The following CHURC1 variants were observed in gnomAD, a reference collection of about 807,000 sequenced individuals.
CHURC1 encodes protein Churchill.
A neutral mutation model predicts 15.4 loss-of-function variants in CHURC1; 12 were observed. The ratio of observed to expected loss-of-function variants is 0.78; its 90% CI spans 0.50 to 1.27. The LOEUF is 1.27. Among genes scored for constraint, CHURC1 ranks in the 50% most tolerant of loss-of-function variants. The pLI, the probability that CHURC1 is intolerant of heterozygous loss-of-function variation, is 0.00. For missense variants in CHURC1, 132 were observed against 137.8 expected (o/e 0.96, Z 0.21); for synonymous variants, 42 against 47.5 (o/e 0.88, Z 0.48).
chr14:64,917,278 A>G, intron 1 of CHURC1, among the ~76,000 whole-genome samples: 1 of 152,098 alleles, frequency 6.6e-6, no homozygotes. Context: ...AAAAATACAA[A>G]TAGTCTGGGC....
intron 1 of CHURC1, among the ~76,000 whole-genome samples, chr14:64,918,890 G>A (rs1192000832): frequency 6.6e-6 from 1 of 152,136 alleles, no homozygotes; most frequent in Admixed American, 6.5e-5. Context: ...TGTAGAATGA[G>A]TAAGTAATAG....
chr14:64,919,923 G>A (rs1323091145), intron 1 of CHURC1, among the ~76,000 whole-genome samples: 1 of 151,190 alleles, frequency 6.6e-6, no homozygotes, highest in African/African-American at 2.4e-5. Context: ...AAAAAAAAGA[G>A]CAAACTAAAC....
At position 64,927,721 on chromosome 14, in the gene CHURC1, C is replaced by CCA. The variant is rs796538500; in HGVS notation, c.246+1642_246+1643insAC. Among the ~76,000 whole-genome samples, 113 of 88,786 alleles carry CCA rather than the reference C, an allele frequency of 1.3e-3. 5 individuals carry two copies. The highest frequency in any genetic ancestry group is 9.2e-3 in the South Asian group (18 of 1,962). The allele number at this position is 88,786 out of a possible 152,430, so 58.2% of individuals were successfully genotyped here. A position where few individuals can be genotyped will look rare whatever the true frequency, so the allele number is the denominator to read the frequency against. On this transcript the variant is annotated intron_variant, in intron 3 of 3. Transcript: ENST00000549115. ...CCCAGTCTACTTCTCCCCCCACCCC[C>CCA]CCCCCCGCCGTCAATTCATACTCCA...
At chr14:64,916,555 G>A (rs1883893311) in intron 1 of CHURC1, among the ~76,000 whole-genome samples, 1 of 152,026 alleles carries the variant, frequency 6.6e-6, no homozygotes, top group Non-Finnish European at 1.5e-5. Flanking sequence ...GAATATTAAA[G>A]AGATTAGGTT....
chr14:64,926,152 T>A (rs1884680750), intron 3 of CHURC1, 72 bp downstream of exon 3: 2 of 1,054,734 alleles, frequency 1.9e-6, no homozygotes, highest in East Asian at 2.7e-5. Context: ...CTTGAGAATC[T>A]AAATACGGTT....
At chr14:64,921,506 AGACTT>A (rs1399842253) in intron 1 of CHURC1, among the ~76,000 whole-genome samples, 4 of 152,194 alleles carry the variant, frequency 2.6e-5, no homozygotes, top group African/African-American at 4.8e-5. Flanking sequence ...AATGGGCAAA[AGACTT>A]GAATGGACAT....
At chr14:64,920,881 A>G (rs1884241055) in intron 1 of CHURC1, among the ~76,000 whole-genome samples, 2 of 152,228 alleles carry the variant, frequency 1.3e-5, no homozygotes, top group Non-Finnish European at 2.9e-5. Flanking sequence ...GTGTAAGCTC[A>G]TGTTAAAATT....
At position 64,932,141 on chromosome 14, in the gene CHURC1, T is replaced by C. The variant is rs777732976; in HGVS notation, c.250T>C (p.Tyr84His). Residue 84 changes from tyrosine to histidine, a missense_variant, in exon 4 of 4, where the codon TAT becomes CAT. Tyr to His is a moderately conservative substitution (Grantham distance 83). Coordinates refer to ENST00000549115, the MANE Select transcript of CHURC1 (RefSeq NM_001386928.1). ...TFSIMDEFQE[Y>H]TMLCLLCGKA... ...TATGCACTTTATCTTGTTCTAGGAG[T>C]ATACCATGCTGTGTCTGTTATGCGG... 2.1e-5 allele frequency: 34 copies of C among 1,613,374 alleles called. No individual in the cohort carries two copies. The highest frequency in any genetic ancestry group is 2.8e-5 in the Non-Finnish European group (33 of 1,179,548).
chr14:64,927,057 A>C (rs1884761777), intron 3 of CHURC1, among the ~76,000 whole-genome samples: 1 of 152,214 alleles, frequency 6.6e-6, no homozygotes, highest in African/African-American at 2.4e-5. Context: ...TTAACAGCCG[A>C]GAGAATTTTT....
intron 1 of CHURC1, among the ~76,000 whole-genome samples, chr14:64,922,763 G>A (rs1164771663): frequency 6.6e-6 from 1 of 151,856 alleles, no homozygotes; most frequent in Non-Finnish European, 1.5e-5. Context: ...TACATAGAAG[G>A]GAGAGATTCC....
At chr14:64,922,203 T>G (rs1594894158) in intron 1 of CHURC1, among the ~76,000 whole-genome samples, 2 of 152,082 alleles carry the variant, frequency 1.3e-5, no homozygotes, top group South Asian at 4.1e-4. Context: ...TATACATTGG[T>G]TAAAAGTCAT....
At chr14:64,926,192 A>T in intron 3 of CHURC1, 112 bp downstream of exon 3, 1 of 514,948 alleles carries the variant, frequency 1.9e-6, no homozygotes, top group Admixed American at 3.4e-5. Flanking sequence ...GCGTTAGCAT[A>T]TATTAAAGGA....
intron 3 of CHURC1, among the ~76,000 whole-genome samples, chr14:64,928,053 C>T (rs1353563300): frequency 1.3e-5 from 2 of 152,090 alleles, no homozygotes; most frequent in African/African-American, 2.4e-5. Flanking sequence ...GCTACTCTTT[C>T]ATATGTACAC....
In CHURC1 at chr14:64,932,252, A is replaced by C. The variant is rs1004769320; in HGVS notation, c.*22A>C. Reference sequence around the variant, plus strand: ...CTAAGGATCCTTCTACAGATCTGTTATAACTATATTGTGTTGGTTTACAAT... The same window carrying C: ...CTAAGGATCCTTCTACAGATCTGTTCTAACTATATTGTGTTGGTTTACAAT... On this transcript the variant is annotated 3_prime_UTR_variant, in exon 4 of 4. Coordinates refer to ENST00000549115, the MANE Select transcript of CHURC1 (RefSeq NM_001386928.1). 6.2e-7 allele frequency: 1 copy of C among 1,612,890 alleles called. No individual in the cohort carries two copies. Among genetic ancestry groups the C allele is most frequent in the Non-Finnish European group, 8.5e-7 (1 of 1,179,278 alleles).
At chr14:64,927,471 C>T (rs1321987798) in intron 3 of CHURC1, among the ~76,000 whole-genome samples, 2 of 152,106 alleles carry the variant, frequency 1.3e-5, no homozygotes, top group African/African-American at 4.8e-5. Context: ...TGTACAGCTC[C>T]TGAACGGATA....
intron 3 of CHURC1, among the ~76,000 whole-genome samples, chr14:64,927,352 A>G (rs1448101015): frequency 6.6e-6 from 1 of 152,232 alleles, no homozygotes; most frequent in Non-Finnish European, 1.5e-5. Context: ...TAGTGGCCGC[A>G]TAGGGAGATG....
At chr14:64,916,355 G>C (rs948307594) in intron 1 of CHURC1, among the ~76,000 whole-genome samples, 1 of 152,304 alleles carries the variant, frequency 6.6e-6, no homozygotes. Flanking sequence ...GGTGCAAGCA[G>C]TGTTTTATTT....
rs1004342511 is a variant in CHURC1, at chr14:64,933,541, G to T, written c.*1311G>T. The T allele has an allele frequency of 1.0e-6, 1 of 977,946 alleles. No individual in the cohort carries two copies. The highest frequency in any genetic ancestry group is 1.2e-6 in the Non-Finnish European group (1 of 823,356). 60.6% of individuals were successfully genotyped at this position (977,946 alleles called of 1,614,324 possible). ...TTATTGTCCTGTTTCTATCAAATTG[G>T]ACTAACAAAAATTGATATAATACAT... On this transcript the variant is annotated 3_prime_UTR_variant, in exon 4 of 4. Transcript: ENST00000549115.
intron 1 of CHURC1, among the ~76,000 whole-genome samples, chr14:64,920,328 G>A (rs749668365): frequency 1.3e-5 from 2 of 152,124 alleles, no homozygotes; most frequent in African/African-American, 2.4e-5. Flanking sequence ...AAGCTGTTAT[G>A]GTCTACTGTT....
Sources: gnomAD v4.1 joint callset for allele counts (sites outside exome capture counted in the v4.1 genomes callset) on GRCh38, gnomAD v4.1.1 for gene constraint, MANE v1.5 for transcripts, NCBI Gene and HGNC (gene_info 2026-07-23, HGNC 2026-07-21) for gene names.